FGFR1: variants seen among roughly 807,000 people sequenced by gnomAD.
FGFR1 encodes fibroblast growth factor receptor 1.
A neutral mutation model predicts 93.7 loss-of-function variants in FGFR1; 18 were observed. The observed-to-expected ratio is 0.19, with a 90% CI of 0.13 to 0.28. The LOEUF (loss-of-function observed/expected upper bound fraction) is 0.28, where lower values mean the gene tolerates loss of function less well. FGFR1 is among the 10% of genes least tolerant of loss of function. The pLI, the probability that FGFR1 is intolerant of heterozygous loss-of-function variation, is 1.00. For synonymous variants in FGFR1, 448 were observed against 429.3 expected (o/e 1.04, Z -0.54); for missense variants, 731 against 1,080.4 (o/e 0.68, Z 4.53).
chr8:38,462,211 A>G (rs12114071), intron 1 of FGFR1, among the ~76,000 whole-genome samples: 14,609 of 152,264 alleles, frequency 0.096, 893 homozygotes, highest in Admixed American at 0.2. Flanking sequence ...AAGTTAATTA[A>G]AAAACAAATA....
At position 38,429,694 on chromosome 8, in the gene FGFR1, C is replaced by T. The variant is rs747842199; in HGVS notation, c.346G>A (p.Val116Ile). Reference sequence around the variant, plus strand: ...CTTGGCTACCAACCTGAAACATTGACGGAGAAGTAGGTGGTGTCACTGCCC... The same window carrying T: ...CTTGGCTACCAACCTGAAACATTGATGGAGAAGTAGGTGGTGTCACTGCCC... ...PSGSDTTYFSVNVSDALPSSE... is the reference protein window; with the variant it reads ...PSGSDTTYFSINVSDALPSSE... Residue 116 changes from valine to isoleucine, a missense_variant, in exon 3 of 18, where the codon GTC (valine) becomes ATC (isoleucine). By Grantham distance (29) the Val-to-Ile change is conservative. Around this residue, in one of 10 missense-constraint regions of FGFR1, gnomAD observed 212 missense variants for 205.8 expected, o/e 1.03. Coordinates refer to ENST00000447712, the MANE Select transcript of FGFR1 (RefSeq NM_023110.3). This position sits in a 1 kb window ranked among gnomAD's most constrained non-coding sequence, Gnocchi z 4.4. 27 of 1,568,500 alleles carry T rather than the reference C, an allele frequency of 1.7e-5. No homozygotes were observed. The Middle Eastern group carries it at 5.0e-4, about 29-fold the overall frequency.
chr8:38,463,436 A>C (rs1834856010), intron 1 of FGFR1: 1 of 203,494 alleles, frequency 4.9e-6, no homozygotes, highest in African/African-American at 2.3e-5. Context: ...CATAGCACTT[A>C]GGTCATATTA....
At chr8:38,461,190 G>A (rs1386175799) in intron 1 of FGFR1, 2 of 1,496,198 alleles carry the variant, frequency 1.3e-6, no homozygotes, top group Non-Finnish European at 1.8e-6. Flanking sequence ...CAACATACAG[G>A]GTGGACAGTG....
At chr8:38,433,556 C>G (rs185505440) in intron 2 of FGFR1, among the ~76,000 whole-genome samples, 4 of 152,090 alleles carry the variant, frequency 2.6e-5, no homozygotes, top group African/African-American at 9.7e-5. Context: ...GTGATCTGCC[C>G]GCCTCGGTCC....
chr8:38,432,924 A>T (rs892355386), intron 2 of FGFR1, among the ~76,000 whole-genome samples: 5 of 1,202 alleles, frequency 4.2e-3, no homozygotes, highest in Non-Finnish European at 9.4e-3. Flanking sequence ...CCCCCTCCCC[A>T]GTTGGGATGC....
At chr8:38,414,322 A>G (rs1443772049) in intron 15 of FGFR1, 33 bp from the exon 16 acceptor site, 1 of 1,613,904 alleles carries the variant, frequency 6.2e-7, no homozygotes, top group Non-Finnish European at 8.5e-7. Context: ...AGGGTGTTAG[A>G]GCTTCTCCGC....
At chr8:38,419,901 G>C in intron 8 of FGFR1, 166 bp from the exon 9 acceptor site, 1 of 622,002 alleles carries the variant, frequency 1.6e-6, no homozygotes, top group Non-Finnish European at 2.9e-6. Flanking sequence ...AGGAGGATCA[G>C]GCAACCCCCT....
In FGFR1 at chr8:38,454,289, A is replaced by C. The variant is rs141804759; in HGVS notation, c.91+3067T>G. On this transcript the variant is annotated intron_variant, in intron 2 of 17. Transcript: ENST00000447712. ...TCACAAGCAGCCAGGCCCGAGATCC[A>C]CTTCTCCCTTCTTGGGCTGCAAAAA... Among the ~76,000 whole-genome samples the C allele has an allele frequency of 5.1e-3, 780 of 151,566 alleles. 7 individuals carry two copies. Among genetic ancestry groups the C allele is most frequent in the African/African-American group, 0.018 (737 of 41,284 alleles).
At chr8:38,414,069 C>A (rs372408809) in intron 16 of FGFR1, 46 bp from the exon 17 acceptor site, 21 of 1,613,704 alleles carry the variant, frequency 1.3e-5, no homozygotes, top group Non-Finnish European at 1.8e-5. Context: ...GAGATGGATA[C>A]TCTCTAGTCT....
At chr8:38,422,145 G>C (rs1660395921) in intron 7 of FGFR1, 3 of 614,126 alleles carry the variant, frequency 4.9e-6, no homozygotes, top group Non-Finnish European at 5.8e-6. Context: ...GAAGAACTCC[G>C]GCAGACCTGA....
Position 38,413,245 on chromosome 8 carries a change from T to G in FGFR1, c.*383A>C. 6.1e-6 allele frequency: 2 copies of G among 325,616 alleles called. No homozygotes were observed. The highest frequency in any genetic ancestry group is 4.8e-5 in the East Asian group (1 of 20,668). The allele number at this position is 325,616 out of a possible 1,614,324, so 20.2% of individuals were successfully genotyped here. On this transcript the variant is annotated 3_prime_UTR_variant, in exon 18 of 18. Coordinates refer to ENST00000447712, the MANE Select transcript of FGFR1 (RefSeq NM_023110.3). This position sits in a 1 kb window ranked among gnomAD's most constrained non-coding sequence, Gnocchi z 4.2. Reference sequence around the variant, plus strand: ...ACCTGCCACCAGAGTGCGAGGGGCTTATGGGTGAAGGCAAAACAGACCAAA... The same window carrying G: ...ACCTGCCACCAGAGTGCGAGGGGCTGATGGGTGAAGGCAAAACAGACCAAA...
chr8:38,460,249 T>A (rs147966593), intron 1 of FGFR1, among the ~76,000 whole-genome samples: 91 of 152,298 alleles, frequency 6.0e-4, no homozygotes, highest in African/African-American at 2.2e-3. Flanking sequence ...GGACACTGCA[T>A]GGGGCACATT....
chr8:38,436,926 C>T (rs1262269646), intron 2 of FGFR1, among the ~76,000 whole-genome samples: 3 of 152,202 alleles, frequency 2.0e-5, no homozygotes, highest in African/African-American at 7.2e-5. Flanking sequence ...CTCCCACAGT[C>T]ATTTAGAAGG....
intron 2 of FGFR1, chr8:38,434,582 A>G (rs774970019): frequency 7.7e-6 from 2 of 259,158 alleles, no homozygotes; most frequent in South Asian, 6.0e-5. Context: ...CAGGCATTCA[A>G]ACTGGTCCCT....
chr8:38,440,794 C>A (rs1197451439), intron 2 of FGFR1, among the ~76,000 whole-genome samples: 2 of 152,104 alleles, frequency 1.3e-5, no homozygotes, highest in Admixed American at 6.6e-5. Flanking sequence ...GCCAGCAGGT[C>A]CCCCCGTGCG....
chr8:38,421,337 C>T (rs140180617), intron 8 of FGFR1, among the ~76,000 whole-genome samples: 90 of 152,296 alleles, frequency 5.9e-4, no homozygotes, highest in African/African-American at 1.9e-3. Context: ...AATAGGATGG[C>T]AGTACAGGAG....
At chr8:38,433,604 TGA>T (rs542433299) in intron 2 of FGFR1, among the ~76,000 whole-genome samples, 4 of 152,142 alleles carry the variant, frequency 2.6e-5, no homozygotes, top group Non-Finnish European at 5.9e-5. Flanking sequence ...ATTACAGGTG[TGA>T]GCCACCGCAC....
At chr8:38,460,093 G>A (rs941230106) in intron 1 of FGFR1, among the ~76,000 whole-genome samples, 24 of 152,220 alleles carry the variant, frequency 1.6e-4, no homozygotes, top group African/African-American at 5.5e-4. Flanking sequence ...TAACGCATGA[G>A]AATTGCTTGA....
chr8:38,456,324 C>T (rs1329380213), intron 2 of FGFR1, among the ~76,000 whole-genome samples: 2 of 152,218 alleles, frequency 1.3e-5, no homozygotes, highest in Non-Finnish European at 2.9e-5. Context: ...TACCTATAAT[C>T]TCCCAAGAGG....
Sources: allele counts gnomAD v4.1 joint callset (sites outside exome capture counted in the v4.1 genomes callset), GRCh38; gene constraint gnomAD v4.1.1; regional missense constraint gnomAD v4.1.1; non-coding constraint Gnocchi (gnomAD v3.1); transcripts MANE v1.5; gene names NCBI Gene and HGNC (gene_info 2026-07-23, HGNC 2026-07-21).